Variants in PARD3 observed in about 807,000 individuals in gnomAD.
PARD3 encodes the protein partitioning defective 3 homolog.
PARD3 carries 75 observed loss-of-function variants against 155.4 expected under a neutral mutation model. That is an observed-to-expected ratio of 0.48 (90% CI 0.40 to 0.58). The LOEUF (loss-of-function observed/expected upper bound fraction) is 0.58, where lower values mean the gene tolerates loss of function less well. PARD3 is among the 20% of genes least tolerant of loss of function. The probability of loss-of-function intolerance (pLI) is 0.00; values close to 1 mark genes in which losing one functional copy is unlikely to be tolerated. For missense variants in PARD3, 1,642 were observed against 1,721.7 expected (o/e 0.95, Z 0.82); for synonymous variants, 576 against 610.5 (o/e 0.94, Z 0.83).
intron 2 of PARD3, among the ~76,000 whole-genome samples, chr10:34,613,203 T>C (rs1661474663): frequency 6.6e-6 from 1 of 152,194 alleles, no homozygotes; most frequent in African/African-American, 2.4e-5. Context: ...TAAAAATACA[T>C]TTAAAACATA....
At chr10:34,363,492 CT>C (rs2134532045) in intron 12 of PARD3, among the ~76,000 whole-genome samples, 1 of 152,274 alleles carries the variant, frequency 6.6e-6, no homozygotes, top group East Asian at 1.9e-4. Flanking sequence ...TTAATGCCAG[CT>C]TTTAGAACTT....
intron 2 of PARD3, among the ~76,000 whole-genome samples, chr10:34,533,662 G>A (rs1011556569): frequency 1.3e-5 from 2 of 151,964 alleles, no homozygotes; most frequent in African/African-American, 4.8e-5. Context: ...ACAAAAATCA[G>A]CCAGGCATGG....
chr10:34,634,526 C>A (rs1046057479), intron 2 of PARD3, among the ~76,000 whole-genome samples: 2 of 152,114 alleles, frequency 1.3e-5, no homozygotes, highest in African/African-American at 4.8e-5. Context: ...TATAACTAAA[C>A]AAGAAATACT....
At chr10:34,769,566 G>A (rs1408996001) in intron 1 of PARD3, among the ~76,000 whole-genome samples, 1 of 151,666 alleles carries the variant, frequency 6.6e-6, no homozygotes, top group African/African-American at 2.4e-5. Flanking sequence ...CACCAGCTTG[G>A]GCAACACGGC....
chr10:34,602,156 G>A (rs549574987), intron 2 of PARD3, among the ~76,000 whole-genome samples: 2 of 152,162 alleles, frequency 1.3e-5, no homozygotes, highest in Admixed American at 6.5e-5. Flanking sequence ...GAAAGTCGCT[G>A]ATAAATTTGC....
chr10:34,501,544 G>A (rs933265330), intron 3 of PARD3, among the ~76,000 whole-genome samples: 1 of 152,216 alleles, frequency 6.6e-6, no homozygotes, highest in African/African-American at 2.4e-5. Context: ...GATCATTACT[G>A]TTCATTACTT....
intron 23 of PARD3, among the ~76,000 whole-genome samples, chr10:34,124,483 T>G (rs1054322374): frequency 6.6e-6 from 1 of 152,190 alleles, no homozygotes; most frequent in South Asian, 2.1e-4. Flanking sequence ...GTGCTAATAT[T>G]GGTAATTATT....
intron 2 of PARD3, among the ~76,000 whole-genome samples, chr10:34,566,468 G>A (rs1354864193): frequency 6.6e-6 from 1 of 152,216 alleles, no homozygotes; most frequent in Non-Finnish European, 1.5e-5. Flanking sequence ...TGGAGGCTGA[G>A]AGGTACAATG....
Position 34,670,836 on chromosome 10 carries a change from A to C in PARD3, c.222+25482T>G, listed in dbSNP as rs1466369061. Among the ~76,000 whole-genome samples the C allele has an allele frequency of 3.9e-5, 6 of 152,220 alleles. No homozygotes were observed. In the East Asian group the frequency reaches 1.2e-3, roughly 29 times the overall value. On this transcript the variant is annotated intron_variant, in intron 2 of 24. Transcript: ENST00000374788. ...ATGCTTTCAATCTTGTTTTTAAGAC[A>C]CAAACAGGGAAGGAACTTGGATCAT...
At chr10:34,522,138 C>A (rs1025553177) in intron 2 of PARD3, among the ~76,000 whole-genome samples, 8 of 152,122 alleles carry the variant, frequency 5.3e-5, no homozygotes, top group Non-Finnish European at 1.2e-4. Flanking sequence ...CCTTCATTAT[C>A]CAGGTAGAGC....
intron 22 of PARD3, among the ~76,000 whole-genome samples, chr10:34,160,735 T>C (rs1022394496): frequency 6.6e-6 from 1 of 152,196 alleles, no homozygotes; most frequent in Non-Finnish European, 1.5e-5. Flanking sequence ...CCAGACTTCT[T>C]ACCAACATGT....
At chr10:34,210,533 C>G (rs1201622809) in intron 22 of PARD3, among the ~76,000 whole-genome samples, 5 of 152,098 alleles carry the variant, frequency 3.3e-5, no homozygotes, top group Non-Finnish European at 5.9e-5. Context: ...TTTCTACTTA[C>G]AAGGAGAAGA....
At chr10:34,609,640 T>A (rs570865802) in intron 2 of PARD3, among the ~76,000 whole-genome samples, 4 of 152,302 alleles carry the variant, frequency 2.6e-5, no homozygotes, top group Admixed American at 2.0e-4. Context: ...ACTCCTGGAC[T>A]CCAGTGATCC....
Position 34,131,511 on chromosome 10 carries a change from A to G in PARD3, c.3492T>C (p.Asp1164=). The change falls in exon 23 of 25, where the codon GAT becomes GAC. Residue 1164 remains aspartate (D), a synonymous_variant. Coordinates refer to ENST00000374788, the MANE Select transcript of PARD3 (RefSeq NM_001184785.2). ...LRQEFQQAKQ[D]EDVEDRRRTY... Reference sequence around the variant, plus strand: ...TCCGCCGACGATCTTCTACATCTTCATCTTGCTTTGCTTGCTGAAATTCTT... The same window carrying G: ...TCCGCCGACGATCTTCTACATCTTCGTCTTGCTTTGCTTGCTGAAATTCTT... 1.2e-6 allele frequency: 2 copies of G among 1,614,106 alleles called. No individual in the cohort carries two copies. The highest frequency in any genetic ancestry group is 1.7e-6 in the Non-Finnish European group (2 of 1,179,972).
intron 5 of PARD3, among the ~76,000 whole-genome samples, chr10:34,411,576 A>G (rs1382229377): frequency 6.6e-6 from 1 of 152,042 alleles, no homozygotes; most frequent in Admixed American, 6.6e-5. Flanking sequence ...GGGGGACTAG[A>G]GCTGCAGGCA....
At chr10:34,406,503 A>T (rs1844488731) in intron 5 of PARD3, among the ~76,000 whole-genome samples, 1 of 152,202 alleles carries the variant, frequency 6.6e-6, no homozygotes, top group African/African-American at 2.4e-5. Flanking sequence ...TCCATGAGAA[A>T]AAAAGAAACT....
At chr10:34,500,737 G>A (rs2080636252) in intron 3 of PARD3, among the ~76,000 whole-genome samples, 2 of 151,958 alleles carry the variant, frequency 1.3e-5, no homozygotes, top group Admixed American at 1.3e-4. Flanking sequence ...AATAACAAAA[G>A]TTACATAAAA....
intron 2 of PARD3, among the ~76,000 whole-genome samples, chr10:34,636,389 C>T (rs2092475695): frequency 6.6e-6 from 1 of 152,198 alleles, no homozygotes; most frequent in South Asian, 2.1e-4. Context: ...GCTCGCTGGC[C>T]CTTCTGAGGC....
At chr10:34,454,325 T>G (rs942282195) in intron 4 of PARD3, among the ~76,000 whole-genome samples, 1 of 152,092 alleles carries the variant, frequency 6.6e-6, no homozygotes, top group Non-Finnish European at 1.5e-5. Flanking sequence ...CATCGCAGCA[T>G]ACAATGTATT....
Sources: allele counts gnomAD v4.1 joint callset (sites outside exome capture counted in the v4.1 genomes callset), GRCh38; gene constraint gnomAD v4.1.1; transcripts MANE v1.5; gene names NCBI Gene and HGNC (gene_info 2026-07-23, HGNC 2026-07-21).